The following CLDN10 variants were observed in gnomAD, a reference collection of about 807,000 sequenced individuals.
CLDN10 encodes claudin-10.
A neutral mutation model predicts 22.9 loss-of-function variants in CLDN10; 15 were observed. That is an observed-to-expected ratio of 0.65 (90% CI 0.44 to 1.01). The LOEUF is 1.01. Among genes scored for constraint, CLDN10 ranks in the 50% least tolerant of loss-of-function variants. The pLI is 0.00. For synonymous variants in CLDN10, 114 were observed against 111.4 expected, an observed-to-expected ratio of 1.02 and a Z score of -0.15; for missense variants, 247 against 287.8, an observed-to-expected ratio of 0.86 and a Z score of 1.03.
At chr13:95,538,016 G>T (rs2043418514) in intron 1 of CLDN10, among the ~76,000 whole-genome samples, 1 of 152,154 alleles carries the variant, frequency 6.6e-6, no homozygotes, top group Admixed American at 6.5e-5. Context: ...CCCTTTTTAT[G>T]CACCAGTCTA....
At chr13:95,489,509 G>A (rs1471380622) in intron 1 of CLDN10, among the ~76,000 whole-genome samples, 1 of 151,932 alleles carries the variant, frequency 6.6e-6, no homozygotes, top group South Asian at 2.1e-4. Flanking sequence ...ATGTTTGTTG[G>A]CCATTTATAT....
rs2043975378 is a variant in CLDN10 at position 95,578,863 on chromosome 13, A to C, written c.*849A>C. On this transcript the variant is annotated 3_prime_UTR_variant, in exon 5 of 5. Coordinates refer to ENST00000299339, the MANE Select transcript of CLDN10 (RefSeq NM_006984.5). ...GTAATTCATTATGACTGCTCCAGGAAGGGCTAATGGGGCCAATATATTATT... is the reference window on the plus strand; with the variant it reads ...GTAATTCATTATGACTGCTCCAGGACGGGCTAATGGGGCCAATATATTATT... 6.6e-6 allele frequency: 1 copy of C among 152,232 alleles called. No individual in the cohort carries two copies. The highest frequency in any genetic ancestry group is 2.1e-4 in the South Asian group (1 of 4,830). The allele number at this position is 152,232 out of a possible 1,614,324, so 9.4% of individuals were successfully genotyped here. A position where few individuals can be genotyped will look rare whatever the true frequency, so the allele number is the denominator to read the frequency against.
At position 95,529,904 on chromosome 13, in the gene CLDN10, G is replaced by A. The variant is rs574147936; in HGVS notation, c.215-30228G>A. ...ACTGCTTTTTAATAATTCTGGTGAG[G>A]AAAACATTGTAAATTATCCTAGAGT... On this transcript the variant is annotated intron_variant, in intron 1 of 4. Coordinates refer to the CLDN10 transcript ENST00000376873. Among the ~76,000 whole-genome samples the A allele has an allele frequency of 3.3e-5, 5 of 152,136 alleles. No individual in the cohort carries two copies. In the East Asian group the frequency reaches 9.7e-4, roughly 29 times the overall value.
intron 1 of CLDN10, among the ~76,000 whole-genome samples, chr13:95,510,609 C>A (rs984540359): frequency 6.6e-6 from 1 of 152,046 alleles, no homozygotes; most frequent in African/African-American, 2.4e-5. Flanking sequence ...TTACCATAAT[C>A]TTTTCTATAC....
At chr13:95,573,717 T>TTGTG (rs34469647) in intron 3 of CLDN10, among the ~76,000 whole-genome samples, 144 of 149,048 alleles carry the variant, frequency 9.7e-4, no homozygotes, top group Non-Finnish European at 1.3e-3. Flanking sequence ...TTATTTTTAT[T>TTGTG]TGTGTGTGTG....
intron 1 of CLDN10, among the ~76,000 whole-genome samples, chr13:95,469,593 C>T (rs1487945701): frequency 6.6e-6 from 1 of 152,182 alleles, no homozygotes; most frequent in Non-Finnish European, 1.5e-5. Context: ...TAAGATCTCA[C>T]CACTAGTTAG....
intron 1 of CLDN10, among the ~76,000 whole-genome samples, chr13:95,489,378 A>G: frequency 6.6e-6 from 1 of 150,824 alleles, no homozygotes. Flanking sequence ...ACCCATGCCA[A>G]CGTCTACTGG....
chr13:95,505,912 G>A (rs139708190), intron 1 of CLDN10, among the ~76,000 whole-genome samples: 12 of 152,128 alleles, frequency 7.9e-5, no homozygotes, highest in South Asian at 4.2e-4. Context: ...CTGCCACCAC[G>A]CCCAGCTAGT....
intron 1 of CLDN10, among the ~76,000 whole-genome samples, chr13:95,486,809 A>C (rs2042809593): frequency 6.6e-6 from 1 of 152,132 alleles, no homozygotes; most frequent in Non-Finnish European, 1.5e-5. Flanking sequence ...CCACGTTGTG[A>C]GCTCTTTGGG....
At chr13:95,533,504 T>C (rs1168781611) in intron 1 of CLDN10, among the ~76,000 whole-genome samples, 1 of 152,190 alleles carries the variant, frequency 6.6e-6, no homozygotes, top group Non-Finnish European at 1.5e-5. Flanking sequence ...TATTTGATAA[T>C]AAATAACTAA....
At chr13:95,462,224 T>C (rs752259865) in intron 1 of CLDN10, among the ~76,000 whole-genome samples, 2 of 152,262 alleles carry the variant, frequency 1.3e-5, no homozygotes, top group Non-Finnish European at 2.9e-5. Flanking sequence ...TAATTAATAA[T>C]AAATAACTCA....
chr13:95,532,792 C>CAAAAAAA lies in CLDN10; in HGVS notation c.215-27324_215-27318dup, dbSNP rs57500288. Among the ~76,000 whole-genome samples the CAAAAAAA allele has an allele frequency of 1.5e-3, 92 of 61,982 alleles. 1 individual carries two copies. Among genetic ancestry groups the CAAAAAAA allele is most frequent in the African/African-American group, 3.3e-3 (49 of 15,048 alleles). The allele number at this position is 61,982 out of a possible 152,430, so 40.7% of individuals were successfully genotyped here. A position where few individuals can be genotyped will look rare whatever the true frequency, so the allele number is the denominator to read the frequency against. ...CTTCAGATACTGGAACTCAATTCAG[C>CAAAAAAA]AAAAAAAAAAAAAAAAAAAAAAGAA... On this transcript the variant is annotated intron_variant, in intron 1 of 4. Transcript: ENST00000376873.
chr13:95,558,900 G>A (rs987524019), intron 1 of CLDN10, among the ~76,000 whole-genome samples: 1 of 152,060 alleles, frequency 6.6e-6, no homozygotes, highest in African/African-American at 2.4e-5. Context: ...CCTCCAGCCT[G>A]GGTGGCAAAA....
At chr13:95,563,132 C>CTG (rs1555300144) in intron 3 of CLDN10, among the ~76,000 whole-genome samples, 2 of 142,268 alleles carry the variant, frequency 1.4e-5, no homozygotes, top group Non-Finnish European at 1.6e-5. Context: ...CTCTCTCTCT[C>CTG]TCTGTCTGTA....
intron 1 of CLDN10, among the ~76,000 whole-genome samples, chr13:95,525,794 A>G (rs2043274422): frequency 1.3e-5 from 2 of 150,680 alleles, no homozygotes; most frequent in African/African-American, 4.9e-5. Context: ...GCCCAGCCCA[A>G]CTTTCACTGT....
intron 1 of CLDN10, among the ~76,000 whole-genome samples, chr13:95,490,449 G>T (rs1263392966): frequency 6.6e-6 from 1 of 152,080 alleles, no homozygotes; most frequent in Non-Finnish European, 1.5e-5. Flanking sequence ...TATCCCAGGG[G>T]TTTTGATAGG....
At chr13:95,506,226 C>T (rs1410483954) in intron 1 of CLDN10, among the ~76,000 whole-genome samples, 7 of 152,072 alleles carry the variant, frequency 4.6e-5, no homozygotes, top group African/African-American at 7.2e-5. Context: ...CCTGTCTACA[C>T]GAGAGCCCTG....
chr13:95,471,173 G>A (rs540294495), intron 1 of CLDN10, among the ~76,000 whole-genome samples: 1 of 152,166 alleles, frequency 6.6e-6, no homozygotes, highest in South Asian at 2.1e-4. Context: ...GGGAAAGACA[G>A]ATCCAAAGGT....
chr13:95,541,788 A>G (rs2043462786), intron 1 of CLDN10, among the ~76,000 whole-genome samples: 1 of 152,218 alleles, frequency 6.6e-6, no homozygotes, highest in Non-Finnish European at 1.5e-5. Context: ...ATTGCACCCA[A>G]GTTTAATGAT....
Sources: gnomAD v4.1 joint callset for allele counts (sites outside exome capture counted in the v4.1 genomes callset) on GRCh38, gnomAD v4.1.1 for gene constraint, MANE v1.5 for transcripts, NCBI Gene and HGNC (gene_info 2026-07-23, HGNC 2026-07-21) for gene names.